ZNF814: variants seen among roughly 807,000 people sequenced by gnomAD.
ZNF814 encodes the protein zinc finger protein 814.
Under a neutral mutation model 7.5 loss-of-function variants are expected in ZNF814, and 5 were observed. That is an observed-to-expected ratio of 0.67 (90% CI 0.35 to 1.40). ZNF814 has a LOEUF of 1.40. Ranked by LOEUF, ZNF814 falls within the 40% of genes most tolerant of loss-of-function variation. The pLI, the probability that ZNF814 is intolerant of heterozygous loss-of-function variation, is 0.04. For missense variants in ZNF814, 962 were observed against 1,018.0 expected, an observed-to-expected ratio of 0.94 and a Z score of 0.75; for synonymous variants, 315 against 340.7, an observed-to-expected ratio of 0.92 and a Z score of 0.83.
the ZNF814 span, among the ~76,000 whole-genome samples, chr19:57,901,266 G>A: frequency 6.6e-6 from 1 of 152,032 alleles, no homozygotes; most frequent in Non-Finnish European, 1.5e-5. Flanking sequence ...ACAGAAAGAG[G>A]GAGACCAGGT....
In ZNF814 at chr19:57,874,002, G is replaced by A; in HGVS notation, c.1388C>T (p.Pro463Leu). 1 of 1,613,618 alleles carries A rather than the reference G, an allele frequency of 6.2e-7. No individual in the cohort carries two copies. Among genetic ancestry groups the A allele is most frequent in the Non-Finnish European group, 8.5e-7 (1 of 1,179,916 alleles). ...SHQRVHAGER[P>L]FKCGECVKSF... ...TTTCACACATTCTCCACACTTGAAA[G>A]GTCTTTCTCCGGCGTGAACTCGTTG... The change falls in exon 3 of 3, where the codon CCT (proline) becomes CTT (leucine). Residue 463 changes from proline (P) to leucine (L), a missense_variant. Pro to Leu is a moderately conservative substitution (Grantham distance 98). Transcript: ENST00000435989.
chr19:57,877,149 A>G, intron 1 of ZNF814, 107 bp from the exon 2 acceptor site: 2 of 1,512,934 alleles, frequency 1.3e-6, no homozygotes, highest in Non-Finnish European at 1.8e-6. Flanking sequence ...CAAGGTCCTC[A>G]AACATAGGAG....
In ZNF814 at chr19:57,873,880, T is replaced by G; in HGVS notation, c.1510A>C (p.Lys504Gln). 6.2e-7 allele frequency: 1 copy of G among 1,601,724 alleles called. No individual in the cohort carries two copies. Among genetic ancestry groups the G allele is most frequent in the East Asian group, 2.2e-5 (1 of 44,520 alleles). The change falls in exon 3 of 3, where the codon AAG becomes CAG. Residue 504 changes from lysine (K) to glutamine (Q), a missense_variant. Lys to Gln is a moderately conservative substitution (Grantham distance 53). This residue lies in a region of ZNF814 where 665 missense variants were observed against 551.4 expected (regional missense o/e 1.21). Coordinates refer to ENST00000435989, the MANE Select transcript of ZNF814 (RefSeq NM_001144989.2). Reference sequence around the variant, plus strand: ...CGCTGGTGTAGAACGAGGTTGCCCTTTTGACTGAAAGATTTCCCACATTCT... The same window carrying G: ...CGCTGGTGTAGAACGAGGTTGCCCTGTTGACTGAAAGATTTCCCACATTCT... ...CGECGKSFSQ[K>Q]GNLVLHQRVH...
At chr19:57,891,803 G>C (rs2071736364), upstream of ZNF814, among the ~76,000 whole-genome samples, 1 of 152,058 alleles carries the variant, frequency 6.6e-6, no homozygotes. Context: ...ACCCAGGCTG[G>C]AGTGCAGTGG....
the ZNF814 span, among the ~76,000 whole-genome samples, chr19:57,904,648 C>A: frequency 1.3e-5 from 2 of 152,152 alleles, no homozygotes; most frequent in Non-Finnish European, 2.9e-5. Flanking sequence ...TGGACTTTCA[C>A]GGATTTTGTA....
chr19:57,883,186 A>G (rs894472408), intron 1 of ZNF814, among the ~76,000 whole-genome samples: 17 of 150,088 alleles, frequency 1.1e-4, no homozygotes, highest in Non-Finnish European at 2.1e-4. Flanking sequence ...GTGAAACCCC[A>G]TCTGTACTAA....
chr19:57,900,596 C>T, the ZNF814 span: 1 of 152,216 alleles, frequency 6.6e-6, no homozygotes, highest in East Asian at 1.9e-4. Context: ...CAGGAGTTAA[C>T]CCTAGAGGTC....
the ZNF814 span, among the ~76,000 whole-genome samples, chr19:57,894,346 C>G: frequency 7.0e-6 from 1 of 143,634 alleles, no homozygotes; most frequent in Admixed American, 7.2e-5. Context: ...AGCCTGGCAA[C>G]AGAGTGAGAC....
rs777474599 is a variant in ZNF814, at chr19:57,873,853, C to T, written c.1537G>A (p.Val513Ile). The change falls in exon 3 of 3, where the codon GTT (valine) becomes ATT (isoleucine). Residue 513 changes from valine to isoleucine, a missense_variant. Coordinates refer to ENST00000435989, the MANE Select transcript of ZNF814 (RefSeq NM_001144989.2). The stretch of plus-strand genomic sequence containing the variant: ...TCATAAGGTCTTGCTCCAGTGTGAA[C>T]TCGCTGGTGTAGAACGAGGTTGCCC... ...QKGNLVLHQR[V>I]HTGARPYECG... 6.2e-7 allele frequency: 1 copy of T among 1,613,900 alleles called. No individual in the cohort carries two copies. Among genetic ancestry groups the T allele is most frequent in the Non-Finnish European group, 8.5e-7 (1 of 1,179,954 alleles).
intron 1 of ZNF814, among the ~76,000 whole-genome samples, chr19:57,879,644 C>G (rs1251239781): frequency 6.7e-6 from 1 of 149,150 alleles, no homozygotes; most frequent in Non-Finnish European, 1.5e-5. Context: ...ATATCAATTC[C>G]TTCCCAGATA....
chr19:57,883,286 G>C (rs150632364), intron 1 of ZNF814, among the ~76,000 whole-genome samples: 3,110 of 150,556 alleles, frequency 0.021, 42 homozygotes, highest in Admixed American at 0.034. Context: ...TGAACCCCAG[G>C]GGGGCAGAGC....
Position 57,884,887 on chromosome 19 carries a change from C to G in ZNF814, c.36+3880G>C, listed in dbSNP as rs183970687. On this transcript the variant is annotated intron_variant, in intron 1 of 2. Coordinates refer to ENST00000435989, the MANE Select transcript of ZNF814 (RefSeq NM_001144989.2). ...ACTAAACATTAAGCTAGCATATAAT[C>G]CAGCAATCCCACTGCTGGGTATAAA... Among the ~76,000 whole-genome samples the G allele has an allele frequency of 2.0e-4, 30 of 152,250 alleles. 1 individual carries two copies. In the East Asian group the frequency reaches 5.8e-3, roughly 29 times the overall value.
rs768180681 is a variant in ZNF814, at chr19:57,873,520, G to A, written c.1870C>T (p.Arg624Cys). The change falls in exon 3 of 3, where the codon CGC (arginine) becomes TGC (cysteine). Residue 624 changes from arginine to cysteine, a missense_variant. Arg to Cys is a radical substitution (Grantham distance 180). Transcript: ENST00000435989. ...TAAGGTCTTTCTCCAGTGTGCATGC[G>A]CTGATGGTGAACAAGGCTGCGCTTA... ...SHKRSLVHHQ[R>C]MHTGERPYKC... 7.5e-5 allele frequency: 121 copies of A among 1,613,916 alleles called. No individual in the cohort carries two copies. The highest frequency in any genetic ancestry group is 9.5e-5 in the Non-Finnish European group (112 of 1,180,030).
At chr19:57,888,727 C>A (rs759638827) in intron 1 of ZNF814, 40 bp downstream of exon 1, 17 of 1,552,672 alleles carry the variant, frequency 1.1e-5, no homozygotes, top group Non-Finnish European at 1.5e-5. Flanking sequence ...TTTTGGGTGA[C>A]GATGAGGTGA....
At position 57,872,351 on chromosome 19, in the gene ZNF814, C is replaced by A; in HGVS notation, c.*471G>T. 5.5e-6 allele frequency: 1 copy of A among 183,248 alleles called. No homozygotes were observed. The highest frequency in any genetic ancestry group is 1.1e-5 in the Non-Finnish European group (1 of 87,958). 11.4% of individuals were successfully genotyped at this position (183,248 alleles called of 1,614,324 possible). On this transcript the variant is annotated 3_prime_UTR_variant, in exon 3 of 3. Coordinates refer to ENST00000435989, the MANE Select transcript of ZNF814 (RefSeq NM_001144989.2). ...TCATTACATTCAAAAGGCATTTCTG[C>A]AGTGGGAAGTCTCCTGTGTGTTATG...
intron 1 of ZNF814, among the ~76,000 whole-genome samples, chr19:57,886,583 CA>C (rs149803292): frequency 4.1e-5 from 6 of 146,772 alleles, no homozygotes; most frequent in Non-Finnish European, 4.5e-5. Flanking sequence ...GTTTAATAAA[CA>C]AAAAAAAAAG....
In ZNF814 at chr19:57,874,691, C is replaced by G; in HGVS notation, c.699G>C (p.Gln233His). ...FSTKHILSQH[Q>H]RLLTREECYV... ...AACACTCTTCTCTAGTGAGCAGTCTCTGGTGCTGACTGAGTATATGTTTGG... is the reference window on the plus strand; with the variant it reads ...AACACTCTTCTCTAGTGAGCAGTCTGTGGTGCTGACTGAGTATATGTTTGG... Residue 233 changes from glutamine to histidine, a missense_variant, in exon 3 of 3, where the codon CAG becomes CAC. By Grantham distance (24) the Gln-to-His change is conservative. Around this residue, in one of 7 missense-constraint regions of ZNF814, gnomAD observed 126 missense variants for 123.5 expected, o/e 1.02. Coordinates refer to ENST00000435989, the MANE Select transcript of ZNF814 (RefSeq NM_001144989.2). 1 of 1,570,428 alleles carries G rather than the reference C, an allele frequency of 6.4e-7. No homozygotes were observed. The highest frequency in any genetic ancestry group is 8.6e-7 in the Non-Finnish European group (1 of 1,156,556).
intron 1 of ZNF814, among the ~76,000 whole-genome samples, chr19:57,878,496 T>C (rs1413028768): frequency 6.7e-6 from 1 of 149,880 alleles, no homozygotes; most frequent in Non-Finnish European, 1.5e-5. Flanking sequence ...AGTCTCACTC[T>C]GTCACCAGGC....
rs568831319 is a variant in ZNF814 at position 57,878,278 on chromosome 19, G to A, written c.37-1236C>T. On this transcript the variant is annotated intron_variant, in intron 1 of 2. Coordinates refer to ENST00000435989, the MANE Select transcript of ZNF814 (RefSeq NM_001144989.2). ...ATTGTGGATAAGAGAGAGCAACCATGGCCATGGCATGCAAGCTTTGTAAGA... is the reference window on the plus strand; with the variant it reads ...ATTGTGGATAAGAGAGAGCAACCATAGCCATGGCATGCAAGCTTTGTAAGA... 1.1e-3 allele frequency among the ~76,000 whole-genome samples: 169 copies of A among 151,788 alleles called. 1 individual carries two copies. The South Asian group carries it at 0.035, about 31-fold the overall frequency.
Sources: gnomAD v4.1 joint callset for allele counts (sites outside exome capture counted in the v4.1 genomes callset) on GRCh38, gnomAD v4.1.1 for gene constraint, gnomAD v4.1.1 regional missense constraint, MANE v1.5 for transcripts, NCBI Gene and HGNC (gene_info 2026-07-23, HGNC 2026-07-21) for gene names.